The following CRPPA variants were observed in gnomAD, a reference collection of about 807,000 sequenced individuals.
CRPPA encodes the protein D-ribitol-5-phosphate cytidylyltransferase.
In CRPPA, 43 loss-of-function variants were observed where a neutral mutation model predicts 52.0. That is an observed-to-expected ratio of 0.83 (90% CI 0.65 to 1.07). The LOEUF is 1.07. Ranked by LOEUF, CRPPA falls within the 50% of genes least tolerant of loss-of-function variation. The pLI, the probability that CRPPA is intolerant of heterozygous loss-of-function variation, is 0.00. For synonymous variants in CRPPA, 250 were observed against 203.5 expected (o/e 1.23, Z -1.94); for missense variants, 629 against 551.7 (o/e 1.14, Z -1.40).
In CRPPA at chr7:16,121,441, C is replaced by T. The variant is rs116117088; in HGVS notation, c.1252-29642G>A. Among the ~76,000 whole-genome samples, 850 of 152,082 alleles carry T rather than the reference C, an allele frequency of 5.6e-3. 9 individuals carry two copies. The highest frequency in any genetic ancestry group is 0.019 in the African/African-American group (778 of 41,534). On this transcript the variant is annotated intron_variant, in intron 9 of 9. Coordinates refer to ENST00000407010, the MANE Select transcript of CRPPA (RefSeq NM_001101426.4). ...AAATTACCTAGTTAATTTATGTTTACAATGTGAATACAGACTAATGAGAGA... is the reference window on the plus strand; with the variant it reads ...AAATTACCTAGTTAATTTATGTTTATAATGTGAATACAGACTAATGAGAGA...
intron 2 of CRPPA, among the ~76,000 whole-genome samples, chr7:16,399,281 T>C (rs1297063955): frequency 1.3e-5 from 2 of 151,882 alleles, no homozygotes; most frequent in South Asian, 2.1e-4. Flanking sequence ...ACGATACACA[T>C]ACGATTGACG....
Position 16,217,195 on chromosome 7 carries a change from C to T in CRPPA, c.1120-998G>A, listed in dbSNP as rs1442342141. ...AGCAGGGGCACACTGACACCTCACA[C>T]GGCAGGGTATTCCAACAGACCTGCA... On this transcript the variant is annotated intron_variant, in intron 8 of 9. Coordinates refer to ENST00000407010, the MANE Select transcript of CRPPA (RefSeq NM_001101426.4). Among the ~76,000 whole-genome samples the T allele has an allele frequency of 2.2e-3, 312 of 143,764 alleles. 1 individual carries two copies. The East Asian group carries it at 0.033, about 15-fold the overall frequency. The allele number at this position is 143,764 out of a possible 152,430, so 94.3% of individuals were successfully genotyped here.
intron 9 of CRPPA, among the ~76,000 whole-genome samples, chr7:16,136,245 G>A (rs1477284635): frequency 6.6e-6 from 1 of 152,118 alleles, no homozygotes; most frequent in African/African-American, 2.4e-5. Flanking sequence ...TATTTTAAAA[G>A]TTTAAAAATC....
chr7:16,361,812 A>G (rs966647809), intron 3 of CRPPA, among the ~76,000 whole-genome samples: 3 of 152,180 alleles, frequency 2.0e-5, no homozygotes, highest in Admixed American at 6.5e-5. Context: ...CTTAATAATT[A>G]AAATCGTAAA....
chr7:16,239,266 G>C (rs1783039517), intron 8 of CRPPA, among the ~76,000 whole-genome samples: 1 of 151,054 alleles, frequency 6.6e-6, no homozygotes, highest in Non-Finnish European at 1.5e-5. Context: ...CTTGTTATTT[G>C]AAGACCTAGT....
intron 3 of CRPPA, among the ~76,000 whole-genome samples, chr7:16,368,899 A>G (rs1351301308): frequency 1.3e-5 from 2 of 152,202 alleles, no homozygotes; most frequent in Non-Finnish European, 2.9e-5. Context: ...TGTACTTAAT[A>G]TATGCACATA....
In CRPPA at chr7:16,090,183, G is replaced by T. The variant is rs961840941; in HGVS notation, c.*1512C>A. On this transcript the variant is annotated 3_prime_UTR_variant, in exon 10 of 10. Coordinates refer to ENST00000407010, the MANE Select transcript of CRPPA (RefSeq NM_001101426.4). ...AGAGAGAGAAAAAGGGCAGGCCCAG[G>T]AATTTAGATACAAGCCTACATTCAA... is the stretch of plus-strand genomic sequence containing the variant. The T allele has an allele frequency of 6.6e-6, 1 of 151,970 alleles. No homozygotes were observed. The highest frequency in any genetic ancestry group is 2.4e-5 in the African/African-American group (1 of 41,368). The allele number at this position is 151,970 out of a possible 1,614,324, so 9.4% of individuals were successfully genotyped here. A position where few individuals can be genotyped will look rare whatever the true frequency, so the allele number is the denominator to read the frequency against.
chr7:16,300,161 T>C (rs1374221819), intron 5 of CRPPA, among the ~76,000 whole-genome samples: 2 of 152,352 alleles, frequency 1.3e-5, no homozygotes, highest in Non-Finnish European at 1.5e-5. Context: ...AGTACATTAA[T>C]AGTTTAAAAC....
intron 4 of CRPPA, among the ~76,000 whole-genome samples, chr7:16,304,468 C>T: frequency 6.6e-6 from 1 of 152,022 alleles, no homozygotes; most frequent in East Asian, 1.9e-4. Flanking sequence ...TAGTGACACC[C>T]CGTCTCTACT....
At position 16,102,066 on chromosome 7, in the gene CRPPA, G is replaced by A. The variant is rs142921853; in HGVS notation, c.1252-10267C>T. On this transcript the variant is annotated intron_variant, in intron 9 of 9. Transcript: ENST00000407010. ...ACCTGACTTTAAACTATACTACAAG[G>A]CTACTGTAACCAAAACAGCATGGTA... Among the ~76,000 whole-genome samples the A allele has an allele frequency of 6.9e-3, 1,045 of 152,144 alleles. 8 individuals carry two copies. The highest frequency in any genetic ancestry group is 8.9e-3 in the Non-Finnish European group (607 of 67,990).
At chr7:16,384,449 A>T (rs1583566069) in intron 2 of CRPPA, among the ~76,000 whole-genome samples, 1 of 152,152 alleles carries the variant, frequency 6.6e-6, no homozygotes, top group South Asian at 2.1e-4. Context: ...CTCAAAAACT[A>T]CCCCTGCAAA....
chr7:16,246,756 C>A (rs1783287117), intron 8 of CRPPA, among the ~76,000 whole-genome samples: 1 of 152,156 alleles, frequency 6.6e-6, no homozygotes. Flanking sequence ...CAAAAGTGGG[C>A]TTAAAATATT....
chr7:16,408,107 T>TA (rs1787996181), intron 1 of CRPPA, among the ~76,000 whole-genome samples: 2 of 122,874 alleles, frequency 1.6e-5, no homozygotes, highest in African/African-American at 3.5e-5. Context: ...GACTCTGTCT[T>TA]TAAAAAAAAA....
intron 9 of CRPPA, among the ~76,000 whole-genome samples, chr7:16,204,663 T>C (rs916008104): frequency 2.0e-5 from 3 of 152,124 alleles, no homozygotes; most frequent in African/African-American, 7.2e-5. Context: ...GAGTCAGCAA[T>C]CATTTAGCCA....
chr7:16,283,783 C>G (rs1784368377), intron 5 of CRPPA, among the ~76,000 whole-genome samples: 1 of 151,866 alleles, frequency 6.6e-6, no homozygotes, highest in Non-Finnish European at 1.5e-5. Context: ...CACACAAATA[C>G]TACTCTTATC....
At chr7:16,255,049 G>C (rs530342940) in intron 8 of CRPPA, among the ~76,000 whole-genome samples, 3 of 152,022 alleles carry the variant, frequency 2.0e-5, no homozygotes, top group Admixed American at 1.3e-4. Flanking sequence ...ACCCCATCAT[G>C]TCAGCCCCAA....
At chr7:16,135,918 T>C (rs758702) in intron 9 of CRPPA, among the ~76,000 whole-genome samples, 49,898 of 152,036 alleles carry the variant, frequency 0.33, 9,616 homozygotes, top group South Asian at 0.56. Context: ...TCCTTTATTA[T>C]GTATTTATGT....
chr7:16,235,530 C>A lies in CRPPA; in HGVS notation c.1120-19333G>T, dbSNP rs558880039. On this transcript the variant is annotated intron_variant, in intron 8 of 9. Transcript: ENST00000407010. ...TTCCTGGAATACAGCCATACCCATT[C>A]TTTTACATATTGTCTATGACTGCTT... is the stretch of plus-strand genomic sequence containing the variant. Among the ~76,000 whole-genome samples the A allele has an allele frequency of 3.9e-5, 6 of 152,148 alleles. No individual in the cohort carries two copies. In the South Asian group the frequency reaches 1.0e-3, roughly 26 times the overall value.
At chr7:16,390,729 C>T (rs996766198) in intron 2 of CRPPA, among the ~76,000 whole-genome samples, 8 of 152,156 alleles carry the variant, frequency 5.3e-5, no homozygotes, top group South Asian at 2.1e-4. Context: ...GTGAATCACA[C>T]GGCCCTCCAA....
Sources: gnomAD v4.1 joint callset for allele counts (sites outside exome capture counted in the v4.1 genomes callset) on GRCh38, gnomAD v4.1.1 for gene constraint, MANE v1.5 for transcripts, NCBI Gene and HGNC (gene_info 2026-07-23, HGNC 2026-07-21) for gene names.